ICA1: variants seen among roughly 807,000 people sequenced by gnomAD.
ICA1 encodes islet cell autoantigen 1.
A neutral mutation model predicts 71.0 loss-of-function variants in ICA1; 40 were observed. The observed-to-expected ratio is 0.56, with a 90% CI of 0.44 to 0.73. The LOEUF (loss-of-function observed/expected upper bound fraction) is 0.73. Among genes scored for constraint, ICA1 ranks in the 30% least tolerant of loss-of-function variants. ICA1 has a pLI of 0.00. For synonymous variants in ICA1, 207 were observed against 209.5 expected (o/e 0.99, Z 0.10); for missense variants, 578 against 576.5 (o/e 1.00, Z -0.03).
At chr7:8,232,928 T>C (rs1037523592) in intron 2 of ICA1, among the ~76,000 whole-genome samples, 173 bp from the exon 3 acceptor site, 19 of 152,272 alleles carry the variant, frequency 1.2e-4, no homozygotes, top group Admixed American at 9.8e-4. Flanking sequence ...TCATCAACTC[T>C]TTCTGACTCA....
chr7:8,232,801 T>C (rs771281998), intron 2 of ICA1, 46 bp from the exon 3 acceptor site: 2 of 1,432,068 alleles, frequency 1.4e-6, no homozygotes, highest in African/African-American at 1.4e-5. Context: ...TTCATAAAGA[T>C]TAAGATATTT....
intron 13 of ICA1, among the ~76,000 whole-genome samples, chr7:8,125,523 A>C (rs770641657): frequency 2.6e-5 from 4 of 152,180 alleles, no homozygotes; most frequent in African/African-American, 9.7e-5. Context: ...CTACCCTGAG[A>C]GCCCCAACAC....
chr7:8,123,442 G>C lies in ICA1; in HGVS notation c.1330+4431C>G, dbSNP rs1264860851. Among the ~76,000 whole-genome samples, 6 of 151,922 alleles carry C rather than the reference G, an allele frequency of 3.9e-5. No individual in the cohort carries two copies. Among genetic ancestry groups the C allele is most frequent in the Non-Finnish European group, 5.9e-5 (4 of 68,010 alleles). On this transcript the variant is annotated intron_variant, in intron 13 of 13. Coordinates refer to ENST00000402384, the MANE Select transcript of ICA1 (RefSeq NM_001136020.3). This position sits in a 1 kb window ranked among gnomAD's most constrained non-coding sequence, Gnocchi z 4.1. Reference sequence around the variant, plus strand: ...GTGAGGGAGCTGGGGACGCGGCCCAGAGCTTGCACTTCAGTCCTGGTGCCT... The same window carrying C: ...GTGAGGGAGCTGGGGACGCGGCCCACAGCTTGCACTTCAGTCCTGGTGCCT...
At chr7:8,131,903 C>T (rs966058101) in intron 12 of ICA1, among the ~76,000 whole-genome samples, 2 of 152,170 alleles carry the variant, frequency 1.3e-5, no homozygotes, top group African/African-American at 4.8e-5. Context: ...GTAAGAAACT[C>T]CCAACTGGAG....
chr7:8,165,335 T>C (rs1403453764), intron 6 of ICA1, among the ~76,000 whole-genome samples: 1 of 152,254 alleles, frequency 6.6e-6, no homozygotes, highest in Non-Finnish European at 1.5e-5. Flanking sequence ...TAAGTGAATG[T>C]GTGTGCACCA....
chr7:8,175,642 G>A (rs929742199), intron 6 of ICA1, among the ~76,000 whole-genome samples: 2 of 152,102 alleles, frequency 1.3e-5, no homozygotes, highest in Non-Finnish European at 2.9e-5. Context: ...TAGTGGAAAA[G>A]CCACCAAACT....
chr7:8,189,731 G>A (rs779985673), intron 6 of ICA1, among the ~76,000 whole-genome samples: 3 of 151,980 alleles, frequency 2.0e-5, no homozygotes, highest in Non-Finnish European at 4.4e-5. Flanking sequence ...TCTGCAAGGG[G>A]GGTAGGCAGC....
intron 6 of ICA1, among the ~76,000 whole-genome samples, chr7:8,160,206 AAAAT>A (rs1440453739): frequency 2.6e-5 from 4 of 152,210 alleles, no homozygotes; most frequent in East Asian, 3.8e-4. Context: ...TTTTCTAATA[AAAAT>A]AAATACATAG....
rs1790995146 is a variant in ICA1 at position 8,130,357 on chromosome 7, G to A, written c.1061-2215C>T. 6.6e-6 allele frequency among the ~76,000 whole-genome samples: 1 copy of A among 152,228 alleles called. No homozygotes were observed. The highest frequency in any genetic ancestry group is 1.5e-5 in the Non-Finnish European group (1 of 68,036). On this transcript the variant is annotated intron_variant, in intron 12 of 13. Transcript: ENST00000402384. The surrounding 1 kb of genome is among the most constrained non-coding windows in gnomAD (Gnocchi z 4.2). ...CCCACCTCTGTGGATGAAGGCAGGA[G>A]CTGAAGGAAAGGAAAGCAACCTTCG...
chr7:8,133,986 A>G (rs1395553324), intron 12 of ICA1, among the ~76,000 whole-genome samples: 1 of 151,842 alleles, frequency 6.6e-6, no homozygotes, highest in Non-Finnish European at 1.5e-5. Flanking sequence ...CAATCTTGCT[A>G]GGGACCCCAA....
At position 8,128,076 on chromosome 7, in the gene ICA1, A is replaced by AAC; in HGVS notation, c.1125_1126dup (p.Leu376CysfsTer2). ...GGAGGAAGCATTGAAGATCTCACTC[A>AAC]ACAGCAGCAGGTCATCTTTGTCAGC... On this transcript the variant is annotated frameshift_variant, in exon 13 of 14. Transcript: ENST00000402384. LOFTEE classifies it high-confidence loss of function. The AAC allele has an allele frequency of 6.2e-7, 1 of 1,614,182 alleles. No homozygotes were observed.
chr7:8,226,475 C>G lies in ICA1; in HGVS notation c.256+2126G>C, dbSNP rs151205138. The stretch of plus-strand genomic sequence containing the variant: ...TCTTGCTTGCATGAAGGATAGCATA[C>G]TATAGATACGCTTTTATGTTTTGCT... On this transcript the variant is annotated intron_variant, in intron 4 of 13. Transcript: ENST00000402384. The surrounding 1 kb of genome is among the most constrained non-coding windows in gnomAD (Gnocchi z 4.4). Among the ~76,000 whole-genome samples the G allele has an allele frequency of 2.1e-3, 319 of 152,280 alleles. No individual in the cohort carries two copies. Among genetic ancestry groups the G allele is most frequent in the Middle Eastern group, 6.8e-3 (2 of 294 alleles).
intron 6 of ICA1, among the ~76,000 whole-genome samples, chr7:8,199,524 A>G (rs2128324426): frequency 6.6e-6 from 1 of 152,304 alleles, no homozygotes; most frequent in South Asian, 2.1e-4. Flanking sequence ...CAGCTTGGCC[A>G]ACATGGTGAA....
At chr7:8,187,318 G>A (rs1362594870) in intron 6 of ICA1, among the ~76,000 whole-genome samples, 1 of 152,188 alleles carries the variant, frequency 6.6e-6, no homozygotes, top group Admixed American at 6.5e-5. Flanking sequence ...GTAGGCAATT[G>A]TAACACAATG....
intron 6 of ICA1, among the ~76,000 whole-genome samples, chr7:8,175,151 A>T (rs1354790692): frequency 6.6e-6 from 1 of 152,144 alleles, no homozygotes; most frequent in East Asian, 1.9e-4. Context: ...GGAGGGGCAC[A>T]GAGTGGGCTG....
intron 6 of ICA1, among the ~76,000 whole-genome samples, chr7:8,168,320 C>G (rs997447117): frequency 1.1e-4 from 17 of 152,064 alleles, no homozygotes; most frequent in African/African-American, 4.1e-4. Context: ...AACACAGAAC[C>G]CTTTCCATTT....
At chr7:8,128,241 T>C (rs1790101254) in intron 12 of ICA1, 99 bp from the exon 13 acceptor site, 10 of 1,182,914 alleles carry the variant, frequency 8.5e-6, no homozygotes, top group Admixed American at 4.5e-5. Context: ...GGTTGATGGC[T>C]AGATTTAAGA....
At chr7:8,179,518 G>A (rs752777265) in intron 6 of ICA1, among the ~76,000 whole-genome samples, 18 of 152,188 alleles carry the variant, frequency 1.2e-4, no homozygotes, top group African/African-American at 4.1e-4. Flanking sequence ...ACCATTTCAC[G>A]CATTTGTAAA....
intron 1 of ICA1, among the ~76,000 whole-genome samples, chr7:8,243,616 G>A (rs1804800501): frequency 6.6e-6 from 1 of 152,222 alleles, no homozygotes; most frequent in Non-Finnish European, 1.5e-5. Flanking sequence ...AGGAAAAGAA[G>A]AAGTCTAATT....
Sources: allele counts gnomAD v4.1 joint callset (sites outside exome capture counted in the v4.1 genomes callset), GRCh38; gene constraint gnomAD v4.1.1; non-coding constraint Gnocchi (gnomAD v3.1); transcripts MANE v1.5; gene names NCBI Gene and HGNC (gene_info 2026-07-23, HGNC 2026-07-21).